Variants in MCF2L2 observed in about 807,000 individuals in gnomAD.
The protein encoded by MCF2L2 is MCF.2 cell line derived transforming sequence-like 2.
Under a neutral mutation model 150.2 loss-of-function variants are expected in MCF2L2, and 102 were observed. The observed-to-expected ratio is 0.68, with a 90% CI of 0.58 to 0.80. The LOEUF (loss-of-function observed/expected upper bound fraction) is 0.80. Ranked by LOEUF, MCF2L2 falls within the 30% of genes least tolerant of loss-of-function variation. The pLI is 0.00. For synonymous variants in MCF2L2, 465 were observed against 491.3 expected, an observed-to-expected ratio of 0.95 and a Z score of 0.71; for missense variants, 1,256 against 1,372.8, an observed-to-expected ratio of 0.91 and a Z score of 1.34.
In MCF2L2 at chr3:183,270,509, C is replaced by G; in HGVS notation, c.1862+6363G>C. On this transcript the variant is annotated intron_variant, in intron 15 of 29. Coordinates refer to ENST00000328913, the MANE Select transcript of MCF2L2 (RefSeq NM_015078.4). The surrounding 1 kb of genome is among the most constrained non-coding windows in gnomAD (Gnocchi z 4.5). ...CCATTAGAGATAAAAGCAGCAAATA[C>G]TACGTGTCCTATGAAATGTACCAGT... 1 of 1,614,164 alleles carries G rather than the reference C, an allele frequency of 6.2e-7. No homozygotes were observed. The highest frequency in any genetic ancestry group is 8.5e-7 in the Non-Finnish European group (1 of 1,180,016).
Position 183,223,361 on chromosome 3 carries a change from GTATTT to G in MCF2L2, c.2281_2285del (p.Lys761ProfsTer14), listed in dbSNP as rs777279515. 6.2e-7 allele frequency: 1 copy of G among 1,613,718 alleles called. No individual in the cohort carries two copies. On this transcript the variant is annotated frameshift_variant, in exon 20 of 30. Coordinates refer to ENST00000328913, the MANE Select transcript of MCF2L2 (RefSeq NM_015078.4). LOFTEE classifies it high-confidence loss of function. ...TTGATTTTACCTTCAACAGCATCTG[GTATTT>G]TATAAGTCTCTGGCTTGGTCCTTTG...
intron 1 of MCF2L2, among the ~76,000 whole-genome samples, chr3:183,419,201 G>A (rs1341730333): frequency 1.3e-5 from 2 of 152,230 alleles, no homozygotes; most frequent in Non-Finnish European, 2.9e-5. Context: ...TACAGCTGGA[G>A]TGGCTGGAAC....
chr3:183,257,417 A>C (rs528095199), intron 15 of MCF2L2, among the ~76,000 whole-genome samples: 2 of 152,190 alleles, frequency 1.3e-5, no homozygotes, highest in Non-Finnish European at 2.9e-5. Flanking sequence ...TTAGCATCCT[A>C]TCCTGCCCAT....
At chr3:183,409,551 C>CTTTT (rs11336262) in intron 1 of MCF2L2, among the ~76,000 whole-genome samples, 5 of 121,748 alleles carry the variant, frequency 4.1e-5, no homozygotes, top group Admixed American at 8.7e-5. Context: ...GCTAAAATTT[C>CTTTT]TTTTTTTTTT....
At chr3:183,352,367 GA>G (rs1258633284) in intron 3 of MCF2L2, among the ~76,000 whole-genome samples, 1 of 151,932 alleles carries the variant, frequency 6.6e-6, no homozygotes, top group Non-Finnish European at 1.5e-5. Flanking sequence ...TACTAAAAAT[GA>G]AAAAATTAGC....
intron 7 of MCF2L2, among the ~76,000 whole-genome samples, chr3:183,315,305 A>T (rs1052915977): frequency 7.2e-5 from 11 of 152,158 alleles, no homozygotes; most frequent in Non-Finnish European, 1.3e-4. Flanking sequence ...TTTAAATCCA[A>T]ATTCACTTAA....
intron 3 of MCF2L2, among the ~76,000 whole-genome samples, chr3:183,366,924 C>A (rs76379366): frequency 1.3e-5 from 2 of 151,998 alleles, no homozygotes; most frequent in Admixed American, 6.6e-5. Flanking sequence ...AAGGTATATG[C>A]CACTTCTGTA....
chr3:183,364,562 T>C (rs1712415057), intron 3 of MCF2L2, among the ~76,000 whole-genome samples: 1 of 151,612 alleles, frequency 6.6e-6, no homozygotes, highest in Admixed American at 6.6e-5. Context: ...ATGAATAAGG[T>C]AGAGAATGGA....
intron 10 of MCF2L2, among the ~76,000 whole-genome samples, chr3:183,302,965 C>T (rs144049448): frequency 0.028 from 4,266 of 151,854 alleles, 202 homozygotes; most frequent in African/African-American, 0.094. Context: ...GAGGCCGAGA[C>T]GGGCAGATCA....
intron 5 of MCF2L2, among the ~76,000 whole-genome samples, chr3:183,324,343 C>G (rs995489593): frequency 2.6e-5 from 4 of 152,174 alleles, no homozygotes; most frequent in Non-Finnish European, 5.9e-5. Context: ...GTGGTTCTGG[C>G]TCACTCAGTG....
intron 27 of MCF2L2, among the ~76,000 whole-genome samples, chr3:183,188,337 T>C (rs1721767514): frequency 6.6e-6 from 1 of 152,180 alleles, no homozygotes; most frequent in African/African-American, 2.4e-5. Context: ...GAGGTTAAAG[T>C]TGGAGACATG....
chr3:183,191,077 T>C (rs1381286678), intron 27 of MCF2L2, among the ~76,000 whole-genome samples: 5 of 151,872 alleles, frequency 3.3e-5, no homozygotes, highest in Non-Finnish European at 7.4e-5. Context: ...AGTTTCATCA[T>C]GTTGGCCTGG....
At chr3:183,395,917 CAAAA>C (rs11338932) in intron 1 of MCF2L2, among the ~76,000 whole-genome samples, 8 of 58,084 alleles carry the variant, frequency 1.4e-4, no homozygotes, top group Middle Eastern at 0.014. Flanking sequence ...GACATCGTCT[CAAAA>C]AAAAAAAAAA....
At chr3:183,343,728 G>A (rs1027011340) in intron 3 of MCF2L2, among the ~76,000 whole-genome samples, 1 of 152,092 alleles carries the variant, frequency 6.6e-6, no homozygotes, top group South Asian at 2.1e-4. Flanking sequence ...TTATGTAAAC[G>A]TTAAATATGT....
At chr3:183,352,393 C>T (rs1231941570) in intron 3 of MCF2L2, among the ~76,000 whole-genome samples, 1 of 152,142 alleles carries the variant, frequency 6.6e-6, no homozygotes, top group Non-Finnish European at 1.5e-5. Context: ...CATGGTGGTG[C>T]GTGCCTGTAA....
chr3:183,393,807 C>T (rs903955394), intron 1 of MCF2L2, among the ~76,000 whole-genome samples: 3 of 152,206 alleles, frequency 2.0e-5, no homozygotes, highest in Non-Finnish European at 4.4e-5. Context: ...GAGCAGCATG[C>T]GCTCTGGAGC....
At chr3:183,193,232 C>T in intron 26 of MCF2L2, 136 bp from the exon 27 acceptor site, 1 of 685,936 alleles carries the variant, frequency 1.5e-6, no homozygotes, top group East Asian at 2.6e-5. Flanking sequence ...TCCTCCCTCA[C>T]CTGTAGTTGA....
At chr3:183,289,298 A>T in intron 13 of MCF2L2, 78 bp from the exon 14 acceptor site, 4 of 937,858 alleles carry the variant, frequency 4.3e-6, no homozygotes, top group Non-Finnish European at 6.8e-6. Flanking sequence ...TTGGACAAAT[A>T]GCTGGACCAC....
chr3:183,272,374 C>T, intron 15 of MCF2L2: 1 of 1,000,158 alleles, frequency 1.0e-6, no homozygotes, highest in African/African-American at 1.7e-5. Flanking sequence ...TGCAGAGGCA[C>T]CTGTTAGGGA....
Sources: gnomAD v4.1 joint callset for allele counts (sites outside exome capture counted in the v4.1 genomes callset) on GRCh38, gnomAD v4.1.1 for gene constraint, Gnocchi (gnomAD v3.1) non-coding constraint, MANE v1.5 for transcripts, NCBI Gene and HGNC (gene_info 2026-07-23, HGNC 2026-07-21) for gene names.